The following CABIN1 variants were observed in gnomAD, a reference collection of about 807,000 sequenced individuals.
CABIN1 encodes the protein calcineurin-binding protein cabin-1.
Under a neutral mutation model 227.7 loss-of-function variants are expected in CABIN1, and 133 were observed. That is an observed-to-expected ratio of 0.58 (90% CI 0.51 to 0.67). The LOEUF (loss-of-function observed/expected upper bound fraction) is 0.67, where lower values mean the gene tolerates loss of function less well. Ranked by LOEUF, CABIN1 falls within the 30% of genes least tolerant of loss-of-function variation. The pLI, the probability that CABIN1 is intolerant of heterozygous loss-of-function variation, is 0.00. For synonymous variants in CABIN1, 1,086 were observed against 1,155.1 expected (o/e 0.94, Z 1.21); for missense variants, 2,408 against 2,852.5 (o/e 0.84, Z 3.55).
At position 24,146,355 on chromosome 22, in the gene CABIN1, C is replaced by T. The variant is rs74521490; in HGVS notation, c.4746+11940C>T. On this transcript the variant is annotated intron_variant, in intron 29 of 36. Coordinates refer to ENST00000263119, the MANE Select transcript of CABIN1 (RefSeq NM_012295.4). The stretch of plus-strand genomic sequence containing the variant: ...TGGATTCTAAATGTATCCCCGAGCT[C>T]TCCTTCCTTCCCACATCCTGGGCTC... Among the ~76,000 whole-genome samples, 926 of 152,338 alleles carry T rather than the reference C, an allele frequency of 6.1e-3. 9 individuals carry two copies. The highest frequency in any genetic ancestry group is 0.021 in the African/African-American group (890 of 41,568).
At chr22:24,087,774 G>A (rs1349262760) in intron 23 of CABIN1, 61 bp downstream of exon 23, 16 of 1,599,290 alleles carry the variant, frequency 1.0e-5, no homozygotes, top group East Asian at 4.5e-5. Flanking sequence ...GTGCCCTCAG[G>A]TCAACGAAGC....
intron 29 of CABIN1, among the ~76,000 whole-genome samples, chr22:24,154,835 C>T (rs541839219): frequency 6.6e-6 from 1 of 152,272 alleles, no homozygotes; most frequent in African/African-American, 2.4e-5. Flanking sequence ...ACCGCTGGCT[C>T]CAGGAACCAG....
intron 25 of CABIN1, among the ~76,000 whole-genome samples, chr22:24,096,473 C>T (rs1468807092): frequency 6.6e-6 from 1 of 152,202 alleles, no homozygotes; most frequent in East Asian, 1.9e-4. Flanking sequence ...GTCTGCTGCC[C>T]ATTCTCCTGA....
At chr22:24,159,497 G>A (rs140695304) in intron 29 of CABIN1, among the ~76,000 whole-genome samples, 38 of 152,326 alleles carry the variant, frequency 2.5e-4, no homozygotes, top group Admixed American at 5.9e-4. Context: ...GGTGCCCTGG[G>A]TCTCCCAGGT....
intron 1 of CABIN1, among the ~76,000 whole-genome samples, chr22:24,018,990 T>C (rs557280321): frequency 6.6e-6 from 1 of 152,160 alleles, no homozygotes; most frequent in African/African-American, 2.4e-5. Flanking sequence ...TATTCCTAAG[T>C]ATTTAATGAT....
At chr22:24,112,539 C>T (rs1436920262) in intron 26 of CABIN1, among the ~76,000 whole-genome samples, 1 of 152,130 alleles carries the variant, frequency 6.6e-6, no homozygotes, top group Non-Finnish European at 1.5e-5. Flanking sequence ...TGCCTTCTCC[C>T]TGCAGTAGAC....
At chr22:24,085,229 G>T (rs1261980257) in intron 22 of CABIN1, 78 bp downstream of exon 22, 9 of 1,497,268 alleles carry the variant, frequency 6.0e-6, no homozygotes, top group Admixed American at 5.2e-5. Flanking sequence ...TCTTCAGTGG[G>T]CCACTTTGGG....
chr22:24,088,863 G>C (rs914993535), intron 23 of CABIN1, among the ~76,000 whole-genome samples: 1 of 152,166 alleles, frequency 6.6e-6, no homozygotes, highest in Admixed American at 6.5e-5. Context: ...CCACACTGTT[G>C]AGTTCTATCC....
chr22:24,062,323 C>T (rs1263022130), intron 13 of CABIN1, among the ~76,000 whole-genome samples: 2 of 141,032 alleles, frequency 1.4e-5, no homozygotes, highest in Non-Finnish European at 3.1e-5. Flanking sequence ...TATGTAGCTT[C>T]AGTAATTTTT....
At chr22:24,054,683 G>C (rs1013177936) in intron 8 of CABIN1, among the ~76,000 whole-genome samples, 190 bp from the exon 9 acceptor site, 4 of 152,176 alleles carry the variant, frequency 2.6e-5, no homozygotes, top group African/African-American at 9.7e-5. Flanking sequence ...CGCATCTTCA[G>C]TTCAGCTGTG....
chr22:24,162,793 C>T (rs1223007014), intron 29 of CABIN1, among the ~76,000 whole-genome samples: 2 of 152,154 alleles, frequency 1.3e-5, no homozygotes, highest in African/African-American at 4.8e-5. Context: ...TGTTATGTTA[C>T]AAAAGGAAAC....
intron 13 of CABIN1, 140 bp downstream of exon 13, chr22:24,062,165 T>G (rs1601851701): frequency 1.4e-6 from 1 of 727,678 alleles, no homozygotes; most frequent in Non-Finnish European, 2.4e-6. Flanking sequence ...CTTGTCAGGG[T>G]CCCAGGGAAA....
At chr22:24,124,756 C>G (rs1250696619) in intron 28 of CABIN1, among the ~76,000 whole-genome samples, 1 of 152,062 alleles carries the variant, frequency 6.6e-6, no homozygotes, top group African/African-American at 2.4e-5. Context: ...GGAAAAAGGC[C>G]AAGGCATAGA....
chr22:24,103,720 C>G (rs1469085705), intron 26 of CABIN1, among the ~76,000 whole-genome samples: 1 of 152,182 alleles, frequency 6.6e-6, no homozygotes, highest in Non-Finnish European at 1.5e-5. Flanking sequence ...TTCTTTCATT[C>G]TTAGCTTTTT....
chr22:24,053,180 C>T (rs2038494543), intron 8 of CABIN1, among the ~76,000 whole-genome samples: 1 of 150,630 alleles, frequency 6.6e-6, no homozygotes, highest in Admixed American at 6.6e-5. Context: ...TGGGTTCACG[C>T]CATTCTTCTG....
rs191502040 is a variant in CABIN1, at chr22:24,050,693, G to A, written c.657-132G>A. Reference sequence around the variant, plus strand: ...ACTGCCCTACCCAGGCCAGACTGAAGTGGTTATTTTATTTATAGGAAGAAA... The same window carrying A: ...ACTGCCCTACCCAGGCCAGACTGAAATGGTTATTTTATTTATAGGAAGAAA... On this transcript the variant is annotated intron_variant, in intron 7 of 36. Transcript: ENST00000263119. 472 of 1,067,510 alleles carry A rather than the reference G, an allele frequency of 4.4e-4. 1 individual carries two copies. The highest frequency in any genetic ancestry group is 1.7e-3 in the Admixed American group (85 of 51,118). The allele number at this position is 1,067,510 out of a possible 1,614,324, so 66.1% of individuals were successfully genotyped here.
chr22:24,124,641 T>C (rs564827223), intron 28 of CABIN1, among the ~76,000 whole-genome samples: 11 of 152,206 alleles, frequency 7.2e-5, no homozygotes, highest in Non-Finnish European at 8.8e-5. Context: ...TCTACACTCA[T>C]AGAAACCTGG....
At chr22:24,051,495 C>T (rs773270759) in intron 8 of CABIN1, among the ~76,000 whole-genome samples, 20 of 152,144 alleles carry the variant, frequency 1.3e-4, no homozygotes, top group Admixed American at 2.0e-4. Context: ...AAATTGGTAT[C>T]GGCGGTTCCC....
At chr22:24,154,853 G>T (rs1231882563) in intron 29 of CABIN1, among the ~76,000 whole-genome samples, 5 of 152,206 alleles carry the variant, frequency 3.3e-5, no homozygotes, top group Non-Finnish European at 7.3e-5. Context: ...CAGCCCAGGG[G>T]TAGGCCAGGT....
Sources: allele counts gnomAD v4.1 joint callset (sites outside exome capture counted in the v4.1 genomes callset), GRCh38; gene constraint gnomAD v4.1.1; transcripts MANE v1.5; gene names NCBI Gene and HGNC (gene_info 2026-07-23, HGNC 2026-07-21).